The following PRKN variants were observed in gnomAD, a reference collection of about 807,000 sequenced individuals.
The protein encoded by PRKN is parkin RBR E3 ubiquitin protein ligase.
A neutral mutation model predicts 59.5 loss-of-function variants in PRKN; 56 were observed. The ratio of observed to expected loss-of-function variants is 0.94; its 90% CI spans 0.76 to 1.18. The LOEUF is 1.18. Among genes scored for constraint, PRKN ranks in the 50% most tolerant of loss-of-function variants. The pLI, the probability that PRKN is intolerant of heterozygous loss-of-function variation, is 0.00. For missense variants in PRKN, 657 were observed against 596.4 expected, an observed-to-expected ratio of 1.10 and a Z score of -1.06; for synonymous variants, 250 against 222.1, an observed-to-expected ratio of 1.13 and a Z score of -1.12.
chr6:161,403,928 C>T (rs1405361496), intron 9 of PRKN, among the ~76,000 whole-genome samples: 3 of 152,140 alleles, frequency 2.0e-5, no homozygotes, highest in Non-Finnish European at 2.9e-5. Flanking sequence ...CAGATGCCAG[C>T]ATCATGCTCT....
At chr6:162,668,494 G>C (rs967397255) in intron 1 of PRKN, among the ~76,000 whole-genome samples, 1 of 151,674 alleles carries the variant, frequency 6.6e-6, no homozygotes, top group Non-Finnish European at 1.5e-5. Context: ...TGCCAGAGAC[G>C]GGGAAAAACT....
intron 7 of PRKN, among the ~76,000 whole-genome samples, chr6:161,587,431 A>G (rs1264225988): frequency 6.6e-6 from 1 of 152,222 alleles, no homozygotes; most frequent in East Asian, 1.9e-4. Flanking sequence ...GGGCATCATT[A>G]TATGTCTGTG....
Position 161,592,248 on chromosome 6 carries a change from T to C in PRKN, c.872-22832A>G, listed in dbSNP as rs553955971. The stretch of plus-strand genomic sequence containing the variant: ...ATACAGGGGGTTGACAGACACTAGG[T>C]TGAGGTAATGCTTCATGATTGTTGA... On this transcript the variant is annotated intron_variant, in intron 7 of 11. Transcript: ENST00000366898. The surrounding 1 kb of genome is among the most constrained non-coding windows in gnomAD (Gnocchi z 4.8). Among the ~76,000 whole-genome samples the C allele has an allele frequency of 6.8e-4, 103 of 152,272 alleles. No individual in the cohort carries two copies. The highest frequency in any genetic ancestry group is 2.4e-3 in the African/African-American group (99 of 41,556).
At chr6:162,521,390 T>A (rs1778074399) in intron 1 of PRKN, among the ~76,000 whole-genome samples, 1 of 152,206 alleles carries the variant, frequency 6.6e-6, no homozygotes, top group Admixed American at 6.5e-5. Flanking sequence ...TTTAATTGTC[T>A]ATAAACTAAA....
At chr6:162,154,980 A>C (rs921069237) in intron 4 of PRKN, among the ~76,000 whole-genome samples, 15 of 151,682 alleles carry the variant, frequency 9.9e-5, no homozygotes, top group Admixed American at 5.3e-4. Flanking sequence ...AAAAAAAAAA[A>C]CAAAAAAATT....
At chr6:162,401,213 TAAG>T (rs975645486) in intron 2 of PRKN, among the ~76,000 whole-genome samples, 3 of 150,202 alleles carry the variant, frequency 2.0e-5, no homozygotes, top group African/African-American at 7.3e-5. Flanking sequence ...AAAAGAATAT[TAAG>T]AAAAAAATAG....
chr6:162,423,629 C>A (rs1789084755), intron 2 of PRKN, among the ~76,000 whole-genome samples: 1 of 152,040 alleles, frequency 6.6e-6, no homozygotes, highest in Non-Finnish European at 1.5e-5. Context: ...CAGTTACAAC[C>A]CACTGGTTTC....
At chr6:161,570,826 G>C (rs1445698826) in intron 7 of PRKN, among the ~76,000 whole-genome samples, 5 of 152,082 alleles carry the variant, frequency 3.3e-5, no homozygotes, top group Non-Finnish European at 7.4e-5. Context: ...CATTGTTCGA[G>C]GCCCAAATGT....
intron 7 of PRKN, among the ~76,000 whole-genome samples, chr6:161,586,738 CA>C (rs1460361803): frequency 6.6e-6 from 1 of 152,146 alleles, no homozygotes; most frequent in Non-Finnish European, 1.5e-5. Context: ...TGTTTTATAA[CA>C]GAGAAATATA....
Position 161,355,556 on chromosome 6 carries a change from C to T in PRKN, c.1285+4532G>A, listed in dbSNP as rs1186738955. Among the ~76,000 whole-genome samples the T allele has an allele frequency of 6.6e-6, 1 of 150,982 alleles. No homozygotes were observed. Among genetic ancestry groups the T allele is most frequent in the Non-Finnish European group, 1.5e-5 (1 of 67,706 alleles). ...AGCTGGGATCACAGGTGCCTGCCAC[C>T]ACACCTAGCTATTTTTTTTTTGTAT... On this transcript the variant is annotated intron_variant, in intron 11 of 11. Transcript: ENST00000366898. The surrounding 1 kb of genome is among the most constrained non-coding windows in gnomAD (Gnocchi z 6.8).
At chr6:161,412,858 C>T (rs1029135575) in intron 9 of PRKN, among the ~76,000 whole-genome samples, 1 of 152,080 alleles carries the variant, frequency 6.6e-6, no homozygotes, top group Non-Finnish European at 1.5e-5. Flanking sequence ...CTCACTCATT[C>T]TTTCCTCACT....
chr6:161,826,350 T>A (rs963370522), intron 6 of PRKN, among the ~76,000 whole-genome samples: 6 of 152,230 alleles, frequency 3.9e-5, no homozygotes, highest in Non-Finnish European at 4.4e-5. Flanking sequence ...ATGAGCTTTA[T>A]TTTGATAAGC....
intron 7 of PRKN, among the ~76,000 whole-genome samples, chr6:161,662,495 C>G (rs1429414260): frequency 1.3e-5 from 2 of 152,138 alleles, no homozygotes; most frequent in Non-Finnish European, 2.9e-5. Context: ...GCAGCAGCCT[C>G]CAGGGAGTTA....
intron 7 of PRKN, among the ~76,000 whole-genome samples, chr6:161,679,046 A>G (rs983283244): frequency 2.0e-5 from 3 of 152,166 alleles, no homozygotes; most frequent in African/African-American, 4.8e-5. Context: ...GTCTCTAAAC[A>G]TAGTATAAAT....
rs79731149 is a variant in PRKN, at chr6:161,731,875, T to C, written c.871+53897A>G. ...ACACCAAATATAAATATTATGTTAA[T>C]AACTGTGACGACTTGGTAGAAAGGT... On this transcript the variant is annotated intron_variant, in intron 7 of 11. Coordinates refer to ENST00000366898, the MANE Select transcript of PRKN (RefSeq NM_004562.3). 1.2e-3 allele frequency among the ~76,000 whole-genome samples: 183 copies of C among 152,300 alleles called. 2 individuals are homozygous for C. In the East Asian group the frequency reaches 0.032, roughly 26 times the overall value.
chr6:161,531,766 T>C (rs183169890), intron 9 of PRKN, among the ~76,000 whole-genome samples: 3 of 152,262 alleles, frequency 2.0e-5, no homozygotes, highest in Admixed American at 2.0e-4. Context: ...AGCAAGGGAA[T>C]TGTAAACCTG....
At chr6:162,351,314 A>G (rs556332556) in intron 2 of PRKN, among the ~76,000 whole-genome samples, 5 of 152,370 alleles carry the variant, frequency 3.3e-5, no homozygotes, top group South Asian at 4.1e-4. Context: ...TAGATGGCAA[A>G]TAAGTACCTG....
chr6:161,644,614 C>G (rs538182193), intron 7 of PRKN, among the ~76,000 whole-genome samples: 146 of 152,304 alleles, frequency 9.6e-4, no homozygotes, highest in African/African-American at 3.3e-3. Flanking sequence ...CCATTCAGAT[C>G]TCTCATGTCT....
In PRKN at chr6:161,526,037, G is replaced by T. The variant is rs1378473377; in HGVS notation, c.1083+22817C>A. ...GTGTATATAAGCAATTTAGTATTGT[G>T]TATCTTCTAAAGACCACTGCTTGAA... On this transcript the variant is annotated intron_variant, in intron 9 of 11. Transcript: ENST00000366898. This position sits in a 1 kb window ranked among gnomAD's most constrained non-coding sequence, Gnocchi z 4.1. Among the ~76,000 whole-genome samples, 1 of 152,046 alleles carries T rather than the reference G, an allele frequency of 6.6e-6. No homozygotes were observed. Among genetic ancestry groups the T allele is most frequent in the African/African-American group, 2.4e-5 (1 of 41,386 alleles).
Sources: allele counts gnomAD v4.1 joint callset (sites outside exome capture counted in the v4.1 genomes callset), GRCh38; gene constraint gnomAD v4.1.1; non-coding constraint Gnocchi (gnomAD v3.1); transcripts MANE v1.5; gene names NCBI Gene and HGNC (gene_info 2026-07-23, HGNC 2026-07-21).